Variants in CRAMP1 observed in about 807,000 individuals in gnomAD.
CRAMP1 encodes cramped chromatin regulator 1, also known as protein cramped-like.
Under a neutral mutation model 115.4 loss-of-function variants are expected in CRAMP1, and 50 were observed. The observed-to-expected ratio is 0.43, with a 90% CI of 0.35 to 0.55. The LOEUF is 0.55. CRAMP1 is among the 20% of genes least tolerant of loss of function. The probability of loss-of-function intolerance (pLI) is 0.01; values close to 1 mark genes in which losing one functional copy is unlikely to be tolerated. For missense variants in CRAMP1, 1,679 were observed against 1,721.7 expected, an observed-to-expected ratio of 0.98 and a Z score of 0.44; for synonymous variants, 866 against 745.4, an observed-to-expected ratio of 1.16 and a Z score of -2.64.
chr16:1,655,127 G>T (rs1304396166), intron 8 of CRAMP1, 92 bp from the exon 9 acceptor site: 1 of 1,134,688 alleles, frequency 8.8e-7, no homozygotes, highest in African/African-American at 1.5e-5. Flanking sequence ...GTCTCTTTTG[G>T]CACCCTCCTG....
intron 6 of CRAMP1, among the ~76,000 whole-genome samples, chr16:1,646,095 T>C (rs1251428046): frequency 1.3e-5 from 2 of 152,218 alleles, no homozygotes; most frequent in South Asian, 2.1e-4. Context: ...TGTTGACTTG[T>C]GGATCTGCAG....
chr16:1,662,319 G>C, intron 11 of CRAMP1, 171 bp from the exon 12 acceptor site: 3 of 604,668 alleles, frequency 5.0e-6, no homozygotes, highest in South Asian at 4.0e-5. Flanking sequence ...CAGTGAGAAG[G>C]ATAGAAAATC....
Position 1,656,514 on chromosome 16 carries a change from G to T in CRAMP1, c.1757G>T (p.Ser586Ile). The change falls in exon 10 of 21, where the codon AGC (serine) becomes ATC (isoleucine). Residue 586 changes from serine to isoleucine, a missense_variant. Around this residue, in one of 8 missense-constraint regions of CRAMP1, gnomAD observed 405 missense variants for 302.6 expected, o/e 1.34. Transcript: ENST00000397412. This position sits in a 1 kb window ranked among gnomAD's most constrained non-coding sequence, Gnocchi z 5.6. The stretch of plus-strand genomic sequence containing the variant: ...CGCTGTGCGGACACACGGCCTGGGA[G>T]CGAGCAGCCCCCTCTGGGCGGGGCG... Reference protein sequence around the residue: ...QCRCADTRPGSEQPPLGGAAS... With the variant: ...QCRCADTRPGIEQPPLGGAAS... 5.8e-6 allele frequency: 9 copies of T among 1,564,736 alleles called. No homozygotes were observed. The highest frequency in any genetic ancestry group is 7.8e-6 in the Non-Finnish European group (9 of 1,155,446).
At chr16:1,654,955 G>A (rs988836556) in intron 8 of CRAMP1, among the ~76,000 whole-genome samples, 2 of 152,272 alleles carry the variant, frequency 1.3e-5, no homozygotes, top group African/African-American at 4.8e-5. Context: ...CCCACGCCCT[G>A]GCGGAGACCT....
At position 1,659,931 on chromosome 16, in the gene CRAMP1, C is replaced by A. The variant is rs1300041980; in HGVS notation, c.2281C>A (p.Gln761Lys). 1.9e-6 allele frequency: 3 copies of A among 1,612,786 alleles called. No homozygotes were observed. Among genetic ancestry groups the A allele is most frequent in the Non-Finnish European group, 2.5e-6 (3 of 1,179,858 alleles). ...CTCTACAGCCTCAGTAAGGCCCGCC[C>A]AGGAGGAGCAGTCGATGACGCCCCC... ...TISTASVRPA[Q>K]EEQSMTPPGK... The change falls in exon 11 of 21, where the codon CAG becomes AAG. Residue 761 changes from glutamine (Q) to lysine (K), a missense_variant. By Grantham distance (53) the Gln-to-Lys change is moderately conservative. Transcript: ENST00000397412.
intron 14 of CRAMP1, chr16:1,665,686 A>T (rs2036868497): frequency 4.3e-6 from 1 of 233,392 alleles, no homozygotes; most frequent in Non-Finnish European, 8.4e-6. Flanking sequence ...GTCAATTTTC[A>T]ACTGTGGGAA....
intron 2 of CRAMP1, among the ~76,000 whole-genome samples, chr16:1,622,999 G>A (rs980496449): frequency 6.6e-6 from 1 of 151,908 alleles, no homozygotes; most frequent in Non-Finnish European, 1.5e-5. Flanking sequence ...GACCTCAAGA[G>A]ATCCGCCTGC....
At chr16:1,648,072 A>C (rs2036691829) in intron 6 of CRAMP1, among the ~76,000 whole-genome samples, 1 of 152,206 alleles carries the variant, frequency 6.6e-6, no homozygotes. Context: ...CTGTAACCTC[A>C]GAATGGTTCC....
chr16:1,663,310 A>G (rs1567460847), intron 13 of CRAMP1, among the ~76,000 whole-genome samples: 1 of 152,186 alleles, frequency 6.6e-6, no homozygotes. Flanking sequence ...ACAGAAAGTG[A>G]GGTGGGAAGT....
rs764418318 is a variant in CRAMP1, at chr16:1,668,174, C to T, written c.3315C>T (p.Ala1105=). 1.2e-6 allele frequency: 2 copies of T among 1,613,484 alleles called. No individual in the cohort carries two copies. The highest frequency in any genetic ancestry group is 1.7e-6 in the Non-Finnish European group (2 of 1,179,764). ...THISDSIIEI[A]ISSGQYGEGV... ...TTAGCGACTCCATCATTGAGATCGCCATCAGCTCCGGTCAGTACGGTAAGG... is the reference window on the plus strand; with the variant it reads ...TTAGCGACTCCATCATTGAGATCGCTATCAGCTCCGGTCAGTACGGTAAGG... Residue 1105 remains alanine (A), a synonymous_variant, in exon 18 of 21, where the codon GCC becomes GCT. Coordinates refer to ENST00000397412, the MANE Select transcript of CRAMP1 (RefSeq NM_020825.4).
Position 1,668,184 on chromosome 16 carries a change from G to C in CRAMP1, c.3325G>C (p.Gly1109Arg), listed in dbSNP as rs551374666. ...DSIIEIAISS[G>R]QYGEGVPLSP... is the part of the protein sequence containing the mutation. Reference sequence around the variant, plus strand: ...CATCATTGAGATCGCCATCAGCTCCGGTCAGTACGGTAAGGGCAGGGCGGC... The same window carrying C: ...CATCATTGAGATCGCCATCAGCTCCCGTCAGTACGGTAAGGGCAGGGCGGC... The change falls in exon 18 of 21, where the codon GGT (glycine) becomes CGT (arginine). Residue 1109 changes from glycine (G) to arginine (R), a missense_variant. Coordinates refer to ENST00000397412, the MANE Select transcript of CRAMP1 (RefSeq NM_020825.4). The C allele has an allele frequency of 6.2e-7, 1 of 1,612,688 alleles. No individual in the cohort carries two copies. The highest frequency in any genetic ancestry group is 1.3e-5 in the African/African-American group (1 of 74,912).
chr16:1,635,195 G>C (rs1596486195), intron 4 of CRAMP1, among the ~76,000 whole-genome samples: 2 of 152,278 alleles, frequency 1.3e-5, no homozygotes, highest in Middle Eastern at 6.8e-3. Context: ...ACCACGCCTG[G>C]CCTGTGCTTT....
At chr16:1,636,610 A>G (rs78161364) in intron 4 of CRAMP1, among the ~76,000 whole-genome samples, 2,632 of 152,250 alleles carry the variant, frequency 0.017, 79 homozygotes, top group African/African-American at 0.059. Context: ...AGAGGGGACA[A>G]ATGGCCTTCA....
In CRAMP1 at chr16:1,673,787, C is replaced by T. The variant is rs368399008; in HGVS notation, c.3646-94C>T. ...TAGCTTAGCTTCCTGCAGCGGGAGT[C>T]GATAGGAGCTTCTCGTCCTGTTTCA... On this transcript the variant is annotated intron_variant, in intron 20 of 20. Coordinates refer to ENST00000397412, the MANE Select transcript of CRAMP1 (RefSeq NM_020825.4). 1.9e-4 allele frequency: 222 copies of T among 1,177,578 alleles called. 3 individuals carry two copies. The African/African-American group carries it at 2.5e-3, about 13-fold the overall frequency. The allele number at this position is 1,177,578 out of a possible 1,614,324, so 72.9% of individuals were successfully genotyped here. A position where few individuals can be genotyped will look rare whatever the true frequency, so the allele number is the denominator to read the frequency against.
At chr16:1,653,351 G>A (rs1362588937) in intron 8 of CRAMP1, among the ~76,000 whole-genome samples, 195 bp downstream of exon 8, 1 of 152,180 alleles carries the variant, frequency 6.6e-6, no homozygotes, top group East Asian at 1.9e-4. Context: ...TCTGGGCAGG[G>A]ATCGCCCAAC....
At chr16:1,623,398 T>G (rs1249053470) in intron 2 of CRAMP1, among the ~76,000 whole-genome samples, 1 of 152,260 alleles carries the variant, frequency 6.6e-6, no homozygotes, top group East Asian at 1.9e-4. Flanking sequence ...TCCATTCTGT[T>G]AGCCTTTACT....
intron 5 of CRAMP1, among the ~76,000 whole-genome samples, chr16:1,640,176 T>C (rs1015005560): frequency 2.6e-5 from 4 of 152,244 alleles, no homozygotes; most frequent in Non-Finnish European, 4.4e-5. Context: ...TCCTGTATTT[T>C]TTTCCGTGCA....
At chr16:1,667,810 G>A (rs1323175893) in intron 17 of CRAMP1, among the ~76,000 whole-genome samples, 152 bp from the exon 18 acceptor site, 4 of 152,174 alleles carry the variant, frequency 2.6e-5, no homozygotes, top group African/African-American at 7.2e-5. Context: ...TAAATTCCCC[G>A]AGTGTGTTCC....
chr16:1,659,581 G>A (rs140191247), intron 10 of CRAMP1, among the ~76,000 whole-genome samples: 2,776 of 152,120 alleles, frequency 0.018, 102 homozygotes, highest in African/African-American at 0.063. Context: ...TAGAGACAGC[G>A]TTTCACCGTG....
Sources: gnomAD v4.1 joint callset for allele counts (sites outside exome capture counted in the v4.1 genomes callset) on GRCh38, gnomAD v4.1.1 for gene constraint, gnomAD v4.1.1 regional missense constraint, Gnocchi (gnomAD v3.1) non-coding constraint, MANE v1.5 for transcripts, NCBI Gene and HGNC (gene_info 2026-07-23, HGNC 2026-07-21) for gene names.